RGS6: variants seen among roughly 807,000 people sequenced by gnomAD.
RGS6 encodes the protein regulator of G protein signaling 6.
A neutral mutation model predicts 78.5 loss-of-function variants in RGS6; 30 were observed. That is an observed-to-expected ratio of 0.38 (90% CI 0.29 to 0.52). The LOEUF (loss-of-function observed/expected upper bound fraction) is 0.52. Among genes scored for constraint, RGS6 ranks in the 20% least tolerant of loss-of-function variants. The probability of loss-of-function intolerance (pLI) is 0.85; values close to 1 mark genes in which losing one functional copy is unlikely to be tolerated. For synonymous variants in RGS6, 206 were observed against 206.0 expected (o/e 1.00, Z 0.00); for missense variants, 495 against 609.7 (o/e 0.81, Z 1.98).
Position 72,294,930 on chromosome 14 carries a change from C to A in RGS6, c.85-57165C>A, listed in dbSNP as rs139860552. ...AACCATAGCAGCCACCACTCTCCAT[C>A]TTAGAATGGTAGAATAATAAAATTA... On this transcript the variant is annotated intron_variant, in intron 2 of 17. Coordinates refer to ENST00000553525, the MANE Select transcript of RGS6 (RefSeq NM_001204424.2). 2.9e-3 allele frequency among the ~76,000 whole-genome samples: 446 copies of A among 152,306 alleles called. 3 individuals carry two copies. Among genetic ancestry groups the A allele is most frequent in the African/African-American group, 0.01 (435 of 41,566 alleles).
intron 2 of RGS6, among the ~76,000 whole-genome samples, chr14:72,349,199 T>C (rs1382007828): frequency 6.6e-6 from 1 of 152,132 alleles, no homozygotes; most frequent in Non-Finnish European, 1.5e-5. Flanking sequence ...ATAAATAAAC[T>C]TTTATTGCTT....
At position 72,496,105 on chromosome 14, in the gene RGS6, G is replaced by A. The variant is rs376234972; in HGVS notation, c.965+843G>A. ...AAATCTTATAAAAATAATAAAAGTCGCAGATGCTCATTCTAAAAAGTTCAA... is the reference window on the plus strand; with the variant it reads ...AAATCTTATAAAAATAATAAAAGTCACAGATGCTCATTCTAAAAAGTTCAA... On this transcript the variant is annotated intron_variant, in intron 13 of 17. Coordinates refer to ENST00000553525, the MANE Select transcript of RGS6 (RefSeq NM_001204424.2). 7.2e-5 allele frequency among the ~76,000 whole-genome samples: 11 copies of A among 152,234 alleles called. No homozygotes were observed. The South Asian group carries it at 8.3e-4, about 11-fold the overall frequency.
intron 2 of RGS6, among the ~76,000 whole-genome samples, chr14:72,346,818 AAG>A (rs1179349664): frequency 1.3e-5 from 2 of 152,154 alleles, no homozygotes; most frequent in Admixed American, 1.3e-4. Context: ...TCCATTTGTA[AAG>A]AGAGGATTGC....
chr14:72,548,137 A>C (rs185068086), intron 17 of RGS6, among the ~76,000 whole-genome samples: 1 of 152,114 alleles, frequency 6.6e-6, no homozygotes, highest in African/African-American at 2.4e-5. Context: ...GCGGGCCACA[A>C]GGGTTCAGCC....
intron 3 of RGS6, among the ~76,000 whole-genome samples, chr14:72,405,960 C>T (rs1419558778): frequency 6.6e-6 from 1 of 152,194 alleles, no homozygotes; most frequent in Non-Finnish European, 1.5e-5. Flanking sequence ...TCCAAGGTTT[C>T]CTCCAGGATT....
chr14:72,447,754 G>A (rs148225389), intron 3 of RGS6, among the ~76,000 whole-genome samples: 3 of 152,324 alleles, frequency 2.0e-5, no homozygotes, highest in African/African-American at 7.2e-5. Context: ...CCAGGCTGCA[G>A]TGCAGTGGCA....
At chr14:72,433,456 G>A (rs974117689) in intron 3 of RGS6, among the ~76,000 whole-genome samples, 4 of 151,696 alleles carry the variant, frequency 2.6e-5, no homozygotes, top group East Asian at 3.9e-4. Flanking sequence ...CCTAAGTAAC[G>A]AAACTGCACA....
intron 2 of RGS6, among the ~76,000 whole-genome samples, chr14:72,107,415 T>C (rs528652968): frequency 2.0e-5 from 3 of 152,248 alleles, no homozygotes; most frequent in Non-Finnish European, 4.4e-5. Context: ...CCTTCCTTTT[T>C]TATTACAGGC....
At chr14:72,265,006 G>A (rs1165912866) in intron 2 of RGS6, among the ~76,000 whole-genome samples, 1 of 152,150 alleles carries the variant, frequency 6.6e-6, no homozygotes, top group Non-Finnish European at 1.5e-5. Flanking sequence ...GGGGCTTAAA[G>A]GATTTTCTGG....
At chr14:72,319,890 T>C (rs1250335861) in intron 2 of RGS6, among the ~76,000 whole-genome samples, 1 of 152,190 alleles carries the variant, frequency 6.6e-6, no homozygotes, top group Non-Finnish European at 1.5e-5. Flanking sequence ...AACAAAGATA[T>C]AATTCTACGT....
chr14:72,015,540 C>G (rs987519652), intron 2 of RGS6, among the ~76,000 whole-genome samples: 3 of 152,136 alleles, frequency 2.0e-5, no homozygotes, highest in African/African-American at 7.2e-5. Flanking sequence ...TTTGTTATTA[C>G]AAATAGTGAT....
intron 3 of RGS6, among the ~76,000 whole-genome samples, chr14:72,448,360 T>C (rs961992957): frequency 2.0e-5 from 3 of 152,240 alleles, no homozygotes; most frequent in Non-Finnish European, 2.9e-5. Flanking sequence ...CACTGAACTT[T>C]TCATCACTGT....
At chr14:72,605,054 T>C in the RGS6 span, among the ~76,000 whole-genome samples, 38 of 152,264 alleles carry the variant, frequency 2.5e-4, no homozygotes, top group Admixed American at 2.4e-3. Flanking sequence ...ATGGATAAAA[T>C]GCCGTGGCAC....
chr14:72,293,000 A>G (rs986308446), intron 2 of RGS6, among the ~76,000 whole-genome samples: 7 of 152,286 alleles, frequency 4.6e-5, no homozygotes, highest in African/African-American at 1.7e-4. Flanking sequence ...TTCCCTGGAT[A>G]TATTTGTATT....
At chr14:72,556,557 A>ATT (rs1489170582) in intron 17 of RGS6, among the ~76,000 whole-genome samples, 1 of 152,040 alleles carries the variant, frequency 6.6e-6, no homozygotes, top group African/African-American at 2.4e-5. Flanking sequence ...TTCTGTGGGA[A>ATT]TTGCTTTCAG....
intron 2 of RGS6, among the ~76,000 whole-genome samples, chr14:72,149,765 G>T (rs2096657867): frequency 6.6e-6 from 1 of 152,162 alleles, no homozygotes; most frequent in African/African-American, 2.4e-5. Flanking sequence ...CTAGTCTACA[G>T]ATTTGGGGTC....
In RGS6 at chr14:72,521,862, T is replaced by C. The variant is rs147994628; in HGVS notation, c.1278+3325T>C. ...AAGGAAGCATGTCAACCACTAACGA[T>C]GTCTGGCCCACAATAAGACAGAGTA... On this transcript the variant is annotated intron_variant, in intron 15 of 17. Coordinates refer to ENST00000553525, the MANE Select transcript of RGS6 (RefSeq NM_001204424.2). Among the ~76,000 whole-genome samples the C allele has an allele frequency of 5.6e-3, 855 of 152,326 alleles. 9 individuals are homozygous for C. The highest frequency in any genetic ancestry group is 0.02 in the African/African-American group (834 of 41,562).
At chr14:72,608,968 C>A in the RGS6 span, among the ~76,000 whole-genome samples, 2 of 152,224 alleles carry the variant, frequency 1.3e-5, no homozygotes, top group South Asian at 2.1e-4. Context: ...AGGGCTCTAC[C>A]CCCACAGGAT....
At chr14:72,227,200 T>C (rs2048330537) in intron 2 of RGS6, among the ~76,000 whole-genome samples, 1 of 152,272 alleles carries the variant, frequency 6.6e-6, no homozygotes. Flanking sequence ...ATAGTGAAAC[T>C]TCTCACTTTA....
Sources: gnomAD v4.1 joint callset for allele counts (sites outside exome capture counted in the v4.1 genomes callset) on GRCh38, gnomAD v4.1.1 for gene constraint, MANE v1.5 for transcripts, NCBI Gene and HGNC (gene_info 2026-07-23, HGNC 2026-07-21) for gene names.